The following ACVR2A variants were observed in gnomAD, a reference collection of about 807,000 sequenced individuals.
The protein encoded by ACVR2A is activin A receptor type 2A.
Under a neutral mutation model 61.4 loss-of-function variants are expected in ACVR2A, and 7 were observed. The observed-to-expected ratio is 0.11, with a 90% CI of 0.06 to 0.21. The LOEUF (loss-of-function observed/expected upper bound fraction) is 0.21, where lower values mean the gene tolerates loss of function less well. Ranked by LOEUF, ACVR2A falls within the 10% of genes least tolerant of loss-of-function variation. ACVR2A has a pLI of 1.00. For missense variants in ACVR2A, 322 were observed against 621.7 expected (o/e 0.52, Z 5.13); for synonymous variants, 193 against 208.3 (o/e 0.93, Z 0.63).
intron 7 of ACVR2A, 82 bp from the exon 8 acceptor site, chr2:147,920,148 A>G: frequency 3.4e-6 from 3 of 881,678 alleles, no homozygotes; most frequent in Non-Finnish European, 5.5e-6. Flanking sequence ...TAGTGTACAT[A>G]TTCCCCCTTT....
intron 1 of ACVR2A, among the ~76,000 whole-genome samples, chr2:147,859,228 A>G (rs1478521076): frequency 2.0e-5 from 3 of 152,052 alleles, no homozygotes; most frequent in Non-Finnish European, 4.4e-5. Context: ...GAAGCAGCAC[A>G]TATTCTCCCC....
chr2:147,911,260 T>C (rs1687103657), intron 4 of ACVR2A, among the ~76,000 whole-genome samples: 1 of 152,110 alleles, frequency 6.6e-6, no homozygotes, highest in Non-Finnish European at 1.5e-5. Flanking sequence ...AGGCATGAAG[T>C]CATTGGATCA....
chr2:147,859,489 CAAA>C (rs74267449), intron 1 of ACVR2A, among the ~76,000 whole-genome samples: 3 of 91,446 alleles, frequency 3.3e-5, no homozygotes, highest in Non-Finnish European at 2.4e-5. Flanking sequence ...TCACCACAGA[CAAA>C]AAAAAAAAAA....
intron 1 of ACVR2A, among the ~76,000 whole-genome samples, chr2:147,883,726 A>G (rs1349323876): frequency 1.3e-5 from 2 of 152,110 alleles, no homozygotes; most frequent in African/African-American, 4.8e-5. Flanking sequence ...TCTAATATAT[A>G]TTGTTAATTT....
At chr2:147,853,491 T>C (rs945467669) in intron 1 of ACVR2A, among the ~76,000 whole-genome samples, 3 of 152,148 alleles carry the variant, frequency 2.0e-5, no homozygotes, top group Non-Finnish European at 4.4e-5. Flanking sequence ...ATTTGGTATA[T>C]GGTATTCACG....
chr2:147,855,423 T>C (rs901454571), intron 1 of ACVR2A, among the ~76,000 whole-genome samples: 8 of 152,182 alleles, frequency 5.3e-5, no homozygotes, highest in African/African-American at 1.9e-4. Context: ...AATGGCAGTG[T>C]GAAGCAAAGA....
At chr2:147,890,341 A>AGTGTGTGTGTTT (rs147812313) in intron 1 of ACVR2A, among the ~76,000 whole-genome samples, 6 of 148,840 alleles carry the variant, frequency 4.0e-5, no homozygotes, top group African/African-American at 1.2e-4. Context: ...CCATTAGTAT[A>AGTGTGTGTGTTT]GTGTGTGTGT....
chr2:147,923,952 C>T (rs116761072), intron 9 of ACVR2A, among the ~76,000 whole-genome samples: 2,243 of 151,988 alleles, frequency 0.015, 28 homozygotes, highest in Non-Finnish European at 0.024. Flanking sequence ...AATAGGCTCT[C>T]GTTGTAGGAC....
chr2:147,900,679 A>G (rs745316566), intron 4 of ACVR2A: 10 of 152,050 alleles, frequency 6.6e-5, no homozygotes, highest in Non-Finnish European at 1.2e-4. Flanking sequence ...CTACAGGTCT[A>G]CGAAAACTGA....
intron 1 of ACVR2A, among the ~76,000 whole-genome samples, chr2:147,853,053 T>C (rs1211398808): frequency 6.6e-6 from 1 of 152,086 alleles, no homozygotes; most frequent in Admixed American, 6.5e-5. Flanking sequence ...GATATAGGAC[T>C]GAAAAGCAAC....
Position 147,918,604 on chromosome 2 carries a change from TTA to T in ACVR2A, c.962+16_962+17del. 2 of 1,587,942 alleles carry T rather than the reference TTA, an allele frequency of 1.3e-6. No homozygotes were observed. Among genetic ancestry groups the T allele is most frequent in the Non-Finnish European group, 1.7e-6 (2 of 1,170,450 alleles). On this transcript the variant is annotated intron_variant, in intron 7 of 10. Coordinates refer to ENST00000241416, the MANE Select transcript of ACVR2A (RefSeq NM_001616.5). ...GCCATATCTCACAGGTAGACTAAAT[TTA>T]TATTGTTTTCCCAGATAATTGAGTA...
At chr2:147,922,690 A>G (rs1388498533) in intron 8 of ACVR2A, among the ~76,000 whole-genome samples, 1 of 152,090 alleles carries the variant, frequency 6.6e-6, no homozygotes, top group Non-Finnish European at 1.5e-5. Context: ...GCAAAGGTAC[A>G]GTTGAAAAGT....
chr2:147,873,809 G>A (rs1023947540), intron 1 of ACVR2A, among the ~76,000 whole-genome samples: 3 of 151,878 alleles, frequency 2.0e-5, no homozygotes, highest in Non-Finnish European at 4.4e-5. Flanking sequence ...TATAATAGTT[G>A]GTTCTTTTTA....
chr2:147,850,281 T>G (rs1394207617), intron 1 of ACVR2A, among the ~76,000 whole-genome samples: 1 of 152,174 alleles, frequency 6.6e-6, no homozygotes, highest in Non-Finnish European at 1.5e-5. Flanking sequence ...GGCTTACCCG[T>G]AGTTTTAATG....
intron 1 of ACVR2A, among the ~76,000 whole-genome samples, chr2:147,854,251 T>C (rs1014423777): frequency 5.3e-5 from 8 of 152,182 alleles, no homozygotes; most frequent in Admixed American, 4.6e-4. Context: ...TACAAAGAGT[T>C]CTTTAAGGTC....
chr2:147,872,840 A>G (rs1329793944), intron 1 of ACVR2A, among the ~76,000 whole-genome samples: 2 of 151,818 alleles, frequency 1.3e-5, no homozygotes, highest in Non-Finnish European at 2.9e-5. Flanking sequence ...GGCACATTTT[A>G]AGTACACAGG....
At chr2:147,926,935 C>T in intron 10 of ACVR2A, 145 bp from the exon 11 acceptor site, 1 of 718,952 alleles carries the variant, frequency 1.4e-6, no homozygotes, top group Non-Finnish European at 2.2e-6. Context: ...CTTTATGATT[C>T]TGCACATGGT....
intron 1 of ACVR2A, 27 bp downstream of exon 1, chr2:147,845,234 G>A (rs748880018): frequency 1.2e-4 from 186 of 1,607,492 alleles, no homozygotes; most frequent in Non-Finnish European, 1.5e-4. Flanking sequence ...CGGCGCGGTG[G>A]GGCTGCTCCT....
intron 1 of ACVR2A, among the ~76,000 whole-genome samples, chr2:147,860,851 A>AT (rs1685709478): frequency 1.3e-5 from 2 of 152,304 alleles, no homozygotes; most frequent in Non-Finnish European, 2.9e-5. Flanking sequence ...AAGACTTAGT[A>AT]TTTTTTAGCC....
Sources: allele counts gnomAD v4.1 joint callset (sites outside exome capture counted in the v4.1 genomes callset), GRCh38; gene constraint gnomAD v4.1.1; transcripts MANE v1.5; gene names NCBI Gene and HGNC (gene_info 2026-07-23, HGNC 2026-07-21).